Variants in FGGY observed in about 807,000 individuals in gnomAD.
FGGY encodes FGGY carbohydrate kinase domain-containing protein.
FGGY carries 72 observed loss-of-function variants against 71.3 expected under a neutral mutation model. That is an observed-to-expected ratio of 1.01 (90% CI 0.84 to 1.23). FGGY has a LOEUF of 1.23. FGGY is among the 50% of genes most tolerant of loss of function. The pLI is 0.00. For synonymous variants in FGGY, 251 were observed against 250.3 expected (o/e 1.00, Z -0.02); for missense variants, 668 against 682.3 (o/e 0.98, Z 0.23).
intron 8 of FGGY, among the ~76,000 whole-genome samples, chr1:59,576,979 T>C (rs1326194340): frequency 6.6e-6 from 1 of 152,136 alleles, no homozygotes; most frequent in Non-Finnish European, 1.5e-5. Flanking sequence ...GCATTCACTA[T>C]CCATTCAATG....
chr1:59,410,119 C>G (rs2063387188), intron 5 of FGGY, among the ~76,000 whole-genome samples: 1 of 152,176 alleles, frequency 6.6e-6, no homozygotes, highest in African/African-American at 2.4e-5. Context: ...ATGTGGCAAT[C>G]AATGCAAAGG....
At chr1:59,438,418 C>T (rs1053444416) in intron 5 of FGGY, among the ~76,000 whole-genome samples, 1 of 152,188 alleles carries the variant, frequency 6.6e-6, no homozygotes. Context: ...CAGAATTAGC[C>T]AGTGCTCATG....
intron 4 of FGGY, among the ~76,000 whole-genome samples, chr1:59,348,033 G>A (rs1184422528): frequency 6.6e-6 from 1 of 152,004 alleles, no homozygotes; most frequent in African/African-American, 2.4e-5. Flanking sequence ...TACAGAATGG[G>A]AGAAAATTTT....
chr1:59,316,707 A>G (rs983429279), intron 1 of FGGY, among the ~76,000 whole-genome samples: 3 of 152,232 alleles, frequency 2.0e-5, no homozygotes, highest in African/African-American at 7.2e-5. Context: ...GCTAAAAGTC[A>G]GTCCAGTCCA....
chr1:59,630,237 G>C (rs1460854143), intron 10 of FGGY, among the ~76,000 whole-genome samples: 1 of 152,112 alleles, frequency 6.6e-6, no homozygotes, highest in Non-Finnish European at 1.5e-5. Context: ...AACACATGAG[G>C]ATTATGGGAA....
rs567710449 is a variant in FGGY at position 59,435,974 on chromosome 1, G to C, written c.555-20987G>C. On this transcript the variant is annotated intron_variant, in intron 5 of 15. Coordinates refer to ENST00000303721, the MANE Select transcript of FGGY (RefSeq NM_018291.5). Reference sequence around the variant, plus strand: ...TTCATGGGGCAGATTCAGTCAGAGAGACTGTGGCTGGCCTGGTGTCACATT... The same window carrying C: ...TTCATGGGGCAGATTCAGTCAGAGACACTGTGGCTGGCCTGGTGTCACATT... 7.2e-5 allele frequency among the ~76,000 whole-genome samples: 11 copies of C among 152,308 alleles called. No individual in the cohort carries two copies. The South Asian group carries it at 2.1e-3, about 29-fold the overall frequency.
chr1:59,314,234 G>A (rs1196713018), intron 1 of FGGY, among the ~76,000 whole-genome samples: 1 of 152,080 alleles, frequency 6.6e-6, no homozygotes, highest in Admixed American at 6.5e-5. Flanking sequence ...CAAAGTGCTG[G>A]GATTACAGGC....
At chr1:59,515,380 G>C (rs2153636277) in intron 7 of FGGY, among the ~76,000 whole-genome samples, 1 of 152,202 alleles carries the variant, frequency 6.6e-6, no homozygotes, top group South Asian at 2.1e-4. Flanking sequence ...GGGTGGAAGG[G>C]ACTTGACTTG....
Position 59,554,184 on chromosome 1 carries a change from C to A in FGGY, c.860C>A (p.Ser287Ter), listed in dbSNP as rs1239372288. 6.2e-7 allele frequency: 1 copy of A among 1,613,632 alleles called. No individual in the cohort carries two copies. Among genetic ancestry groups the A allele is most frequent in the Admixed American group, 1.7e-5 (1 of 60,014 alleles). ...ATCTGTGAGGGGCAGCCAGTGACGT[C>A]ACGGCTGGCTGTCATCTGTGGAACG... is the stretch of plus-strand genomic sequence containing the variant. ...GLICEGQPVT[S>*]RLAVICGTSS... is the part of the protein sequence containing the mutation. Residue 287 changes from serine to a stop codon, truncating the protein, a stop_gained, in exon 8 of 16, where the codon TCA (serine) becomes TAA (stop). Coordinates refer to ENST00000303721, the MANE Select transcript of FGGY (RefSeq NM_018291.5). LOFTEE classifies it high-confidence loss of function.
rs374952565 is a variant in FGGY, at chr1:59,699,767, G to T, written c.1512+25634G>T. Among the ~76,000 whole-genome samples the T allele has an allele frequency of 1.9e-4, 29 of 152,268 alleles. No individual in the cohort carries two copies. In the East Asian group the frequency reaches 4.1e-3, roughly 21 times the overall value. On this transcript the variant is annotated intron_variant, in intron 14 of 15. Coordinates refer to ENST00000303721, the MANE Select transcript of FGGY (RefSeq NM_018291.5). ...TTCTCGTTCTTATTTGCAACAGTTT[G>T]CCTGCTGTTCTTGCCTTTGTAACAG...
intron 8 of FGGY, among the ~76,000 whole-genome samples, chr1:59,563,475 A>G (rs558692162): frequency 1.3e-5 from 2 of 152,286 alleles, no homozygotes; most frequent in South Asian, 2.1e-4. Flanking sequence ...TAGGTATACA[A>G]CTTACAGGGG....
At chr1:59,413,231 C>T (rs997864803) in intron 5 of FGGY, among the ~76,000 whole-genome samples, 5 of 152,152 alleles carry the variant, frequency 3.3e-5, no homozygotes, top group South Asian at 4.1e-4. Context: ...TGTCAGTGTA[C>T]GCCTTAGAAT....
At chr1:59,663,967 A>C (rs914199065) in intron 12 of FGGY, among the ~76,000 whole-genome samples, 10 of 152,204 alleles carry the variant, frequency 6.6e-5, no homozygotes, top group Admixed American at 1.3e-4. Context: ...GGGTGAAATG[A>C]AATTAAAGAG....
intron 2 of FGGY, among the ~76,000 whole-genome samples, chr1:59,322,449 C>T (rs2046572776): frequency 3.3e-5 from 5 of 152,200 alleles, no homozygotes; most frequent in South Asian, 4.2e-4. Context: ...CACCCCCCAG[C>T]GCTTTCCTCC....
chr1:59,407,277 C>A (rs581975), intron 5 of FGGY, among the ~76,000 whole-genome samples: 5,110 of 152,194 alleles, frequency 0.034, 251 homozygotes, highest in African/African-American at 0.11. Flanking sequence ...TCTTCCCTGT[C>A]CCCTGGGTAG....
rs372123947 is a variant in FGGY at position 59,490,838 on chromosome 1, A to G, written c.671-21473A>G. Among the ~76,000 whole-genome samples, 12 of 152,190 alleles carry G rather than the reference A, an allele frequency of 7.9e-5. No homozygotes were observed. In the East Asian group the frequency reaches 2.3e-3, roughly 29 times the overall value. On this transcript the variant is annotated intron_variant, in intron 6 of 15. Transcript: ENST00000303721. ...TTTCAAAAATCAGTTGGCTGTAGAT[A>G]GGTGGATTAAAGTCTGTGTTCTCTG... is the stretch of plus-strand genomic sequence containing the variant.
At chr1:59,558,056 G>A (rs1243247540) in intron 8 of FGGY, among the ~76,000 whole-genome samples, 1 of 152,168 alleles carries the variant, frequency 6.6e-6, no homozygotes, top group African/African-American at 2.4e-5. Context: ...ACCACTTACT[G>A]TGTGAATTTA....
chr1:59,466,086 G>A (rs536637038), intron 6 of FGGY, among the ~76,000 whole-genome samples: 2 of 152,226 alleles, frequency 1.3e-5, no homozygotes, highest in South Asian at 4.1e-4. Context: ...GAGGCATCAT[G>A]CTACCTGACT....
intron 7 of FGGY, among the ~76,000 whole-genome samples, chr1:59,525,886 C>T (rs1558223838): frequency 2.6e-5 from 4 of 152,104 alleles, no homozygotes; most frequent in African/African-American, 7.2e-5. Context: ...TCTTCATACA[C>T]ATGTGTTTAT....
Sources: allele counts gnomAD v4.1 joint callset (sites outside exome capture counted in the v4.1 genomes callset), GRCh38; gene constraint gnomAD v4.1.1; transcripts MANE v1.5; gene names NCBI Gene and HGNC (gene_info 2026-07-23, HGNC 2026-07-21).